Variants in RANBP17 observed in about 807,000 individuals in gnomAD.
RANBP17 encodes the protein RAN binding protein 17.
Under a neutral mutation model 141.2 loss-of-function variants are expected in RANBP17, and 158 were observed. That is an observed-to-expected ratio of 1.12 (90% CI 0.98 to 1.28). The LOEUF is 1.28. RANBP17 is among the 50% of genes most tolerant of loss of function. RANBP17 has a pLI of 0.00. For missense variants in RANBP17, 1,438 were observed against 1,290.7 expected (o/e 1.11, Z -1.75); for synonymous variants, 430 against 450.0 (o/e 0.96, Z 0.56).
intron 14 of RANBP17, among the ~76,000 whole-genome samples, chr5:171,075,134 A>T (rs1784837885): frequency 6.6e-6 from 1 of 152,212 alleles, no homozygotes; most frequent in Admixed American, 6.5e-5. Context: ...ATTGGGCATA[A>T]ATGTTAATAA....
In RANBP17 at chr5:170,945,146, TC is replaced by T. The variant is rs576992723; in HGVS notation, c.1469-8449del. ...GTCTTTTACTTGGAATTTTTTTTTT[TC>T]CTGGTTGGAGGGTGTTTGTTTTACT... On this transcript the variant is annotated intron_variant, in intron 12 of 27. Transcript: ENST00000523189. 1.4e-4 allele frequency among the ~76,000 whole-genome samples: 22 copies of T among 152,282 alleles called. No individual in the cohort carries two copies. In the South Asian group the frequency reaches 4.4e-3, roughly 30 times the overall value.
chr5:171,019,722 A>G (rs898353844), intron 14 of RANBP17, among the ~76,000 whole-genome samples: 82 of 151,388 alleles, frequency 5.4e-4, no homozygotes, highest in African/African-American at 1.9e-3. Flanking sequence ...TCCTGGATTC[A>G]TTGATTTTTT....
At chr5:171,249,031 C>T (rs1032955184) in intron 24 of RANBP17, among the ~76,000 whole-genome samples, 3 of 152,298 alleles carry the variant, frequency 2.0e-5, no homozygotes, top group South Asian at 2.1e-4. Flanking sequence ...AAGACAGGCA[C>T]GTTCATCCCA....
chr5:170,883,816 T>C lies in RANBP17; in HGVS notation c.256+1920T>C, dbSNP rs114184237. On this transcript the variant is annotated intron_variant, in intron 3 of 27. Coordinates refer to ENST00000523189, the MANE Select transcript of RANBP17 (RefSeq NM_022897.5). ...TTCTTTTTAGCGCTGAATAATTCTT[T>C]GTTGTCTGGGTATACCGCAGTTTAT... is the stretch of plus-strand genomic sequence containing the variant. 3.0e-3 allele frequency among the ~76,000 whole-genome samples: 450 copies of C among 152,344 alleles called. 2 individuals are homozygous for C. Among genetic ancestry groups the C allele is most frequent in the African/African-American group, 0.01 (427 of 41,584 alleles).
chr5:170,950,484 ATACT>A (rs1775124738), intron 12 of RANBP17, among the ~76,000 whole-genome samples: 1 of 152,178 alleles, frequency 6.6e-6, no homozygotes, highest in African/African-American at 2.4e-5. Context: ...ATATGAAGAA[ATACT>A]TAACATCACT....
intron 14 of RANBP17, among the ~76,000 whole-genome samples, chr5:171,133,216 T>C (rs1363428640): frequency 6.6e-6 from 1 of 152,178 alleles, no homozygotes; most frequent in Admixed American, 6.5e-5. Flanking sequence ...TAAGCTAACA[T>C]GTTAAAATAA....
chr5:170,926,324 A>C (rs750631035), intron 12 of RANBP17, among the ~76,000 whole-genome samples: 11 of 152,120 alleles, frequency 7.2e-5, no homozygotes, highest in Non-Finnish European at 1.5e-5. Context: ...AGCAGCTCGT[A>C]TTATTATACC....
chr5:171,120,612 T>C (rs1755964583), intron 14 of RANBP17, among the ~76,000 whole-genome samples: 1 of 152,246 alleles, frequency 6.6e-6, no homozygotes, highest in Admixed American at 6.5e-5. Context: ...TGGGAATTGT[T>C]TTCTTGATTT....
Position 170,955,561 on chromosome 5 carries a change from A to G in RANBP17, c.1574+1859A>G. 1.9e-5 allele frequency among the ~76,000 whole-genome samples: 2 copies of G among 104,336 alleles called. 1 individual carries two copies. Among genetic ancestry groups the G allele is most frequent in the Non-Finnish European group, 3.8e-5 (2 of 52,128 alleles). The allele number at this position is 104,336 out of a possible 152,430, so 68.4% of individuals were successfully genotyped here. On this transcript the variant is annotated intron_variant, in intron 13 of 27. Coordinates refer to ENST00000523189, the MANE Select transcript of RANBP17 (RefSeq NM_022897.5). ...ATATATATGCTCAGTCTGTGTATAT[A>G]TATATATGCTCAGTCTGTGTGTATA...
chr5:171,032,535 A>G (rs1781613019), intron 14 of RANBP17, among the ~76,000 whole-genome samples: 1 of 152,158 alleles, frequency 6.6e-6, no homozygotes, highest in Admixed American at 6.6e-5. Context: ...GAACTTTTAT[A>G]TAGGAAGACT....
At chr5:170,996,875 A>C (rs953435379) in intron 14 of RANBP17, among the ~76,000 whole-genome samples, 3 of 152,206 alleles carry the variant, frequency 2.0e-5, no homozygotes, top group Non-Finnish European at 2.9e-5. Flanking sequence ...TTAAGTCCCC[A>C]AAACTGCATT....
chr5:171,089,240 T>A (rs1225732362), intron 14 of RANBP17, among the ~76,000 whole-genome samples: 1 of 107,964 alleles, frequency 9.3e-6, no homozygotes, highest in Non-Finnish European at 2.2e-5. Flanking sequence ...AGTGTGCCCC[T>A]GCTGGGGGGG....
At chr5:171,100,076 G>A (rs1338325076) in intron 14 of RANBP17, among the ~76,000 whole-genome samples, 4 of 152,086 alleles carry the variant, frequency 2.6e-5, no homozygotes, top group Non-Finnish European at 1.5e-5. Flanking sequence ...TTTTTTTGTT[G>A]TGTCTCTGCC....
intron 14 of RANBP17, among the ~76,000 whole-genome samples, chr5:171,014,109 A>C (rs1245613882): frequency 6.6e-6 from 1 of 152,074 alleles, no homozygotes; most frequent in African/African-American, 2.4e-5. Flanking sequence ...TCTTTGCTCC[A>C]AAATCTACTT....
chr5:171,263,783 C>T (rs1766494535), intron 24 of RANBP17, among the ~76,000 whole-genome samples: 1 of 152,186 alleles, frequency 6.6e-6, no homozygotes. Flanking sequence ...GTGTTTTAGC[C>T]TGGGCATGGT....
At chr5:171,065,299 G>C (rs779628113) in intron 14 of RANBP17, among the ~76,000 whole-genome samples, 5 of 152,010 alleles carry the variant, frequency 3.3e-5, no homozygotes, top group South Asian at 2.1e-4. Flanking sequence ...CCACAGAATG[G>C]GGGGGTGGGG....
intron 14 of RANBP17, among the ~76,000 whole-genome samples, chr5:170,988,615 G>A (rs138940330): frequency 1.3e-4 from 20 of 151,262 alleles, no homozygotes; most frequent in East Asian, 1.9e-4. Flanking sequence ...GGCAATCTTC[G>A]TCCACAAATC....
At chr5:171,162,626 A>T (rs1244851785) in intron 14 of RANBP17, among the ~76,000 whole-genome samples, 1 of 152,114 alleles carries the variant, frequency 6.6e-6, no homozygotes, top group Non-Finnish European at 1.5e-5. Context: ...TGACTCAGAA[A>T]TATCTCTGAC....
At chr5:171,193,784 C>A (rs567154457) in intron 18 of RANBP17, among the ~76,000 whole-genome samples, 1 of 152,214 alleles carries the variant, frequency 6.6e-6, no homozygotes, top group East Asian at 1.9e-4. Flanking sequence ...TTTTAAGGAC[C>A]CTTGTGATTA....
Sources: allele counts gnomAD v4.1 joint callset (sites outside exome capture counted in the v4.1 genomes callset), GRCh38; gene constraint gnomAD v4.1.1; transcripts MANE v1.5; gene names NCBI Gene and HGNC (gene_info 2026-07-23, HGNC 2026-07-21).